Variants in FSTL5 observed in about 807,000 individuals in gnomAD.
The protein encoded by FSTL5 is follistatin-related protein 5.
Under a neutral mutation model 89.1 loss-of-function variants are expected in FSTL5, and 62 were observed. The observed-to-expected ratio is 0.70, with a 90% CI of 0.57 to 0.86. The LOEUF (loss-of-function observed/expected upper bound fraction) is 0.86. FSTL5 is among the 40% of genes least tolerant of loss of function. The pLI is 0.00. For synonymous variants in FSTL5, 383 were observed against 346.2 expected (o/e 1.11, Z -1.18); for missense variants, 1,057 against 1,001.6 (o/e 1.06, Z -0.75).
chr4:161,842,242 C>A (rs1055149632), intron 4 of FSTL5, among the ~76,000 whole-genome samples: 1 of 152,110 alleles, frequency 6.6e-6, no homozygotes, highest in Non-Finnish European at 1.5e-5. Context: ...AGTTGGCCCC[C>A]ATGCTTGCTT....
At chr4:161,992,861 A>AAT (rs1214124720) in intron 3 of FSTL5, among the ~76,000 whole-genome samples, 7 of 76,264 alleles carry the variant, frequency 9.2e-5, no homozygotes, top group African/African-American at 3.8e-4. Context: ...AAAAAAAAAA[A>AAT]ATATATATAT....
chr4:162,141,263 C>T (rs4455372), intron 1 of FSTL5, among the ~76,000 whole-genome samples: 44,737 of 83,576 alleles, frequency 0.54, 14,372 homozygotes, highest in Non-Finnish European at 0.64. Flanking sequence ...ACTACAGGCG[C>T]GCACCACCAT....
At chr4:161,452,720 T>A (rs1335319729) in intron 15 of FSTL5, among the ~76,000 whole-genome samples, 2 of 152,234 alleles carry the variant, frequency 1.3e-5, no homozygotes, top group African/African-American at 4.8e-5. Flanking sequence ...GGATTCTACA[T>A]GCAGGTAGAA....
At chr4:161,899,036 C>CA (rs1023509073) in intron 4 of FSTL5, among the ~76,000 whole-genome samples, 70 of 152,222 alleles carry the variant, frequency 4.6e-4, no homozygotes, top group African/African-American at 1.6e-3. Flanking sequence ...GCTTCTCCCT[C>CA]ATACCATATC....
chr4:161,920,799 A>T (rs1733974879), intron 3 of FSTL5, 147 bp from the exon 4 acceptor site: 15 of 699,442 alleles, frequency 2.1e-5, no homozygotes, highest in Non-Finnish European at 3.3e-5. Flanking sequence ...GGACATGCTT[A>T]TATAAATAAC....
intron 8 of FSTL5, among the ~76,000 whole-genome samples, chr4:161,578,639 A>G (rs934914470): frequency 3.3e-5 from 5 of 152,112 alleles, no homozygotes; most frequent in African/African-American, 1.2e-4. Context: ...AGCAGAATAA[A>G]AATCCAAGTA....
chr4:161,725,601 AT>A (rs1173806204), intron 6 of FSTL5, among the ~76,000 whole-genome samples: 2 of 152,018 alleles, frequency 1.3e-5, no homozygotes, highest in Non-Finnish European at 2.9e-5. Flanking sequence ...GACAGCAGTC[AT>A]TTTTAGTATT....
At position 161,926,602 on chromosome 4, in the gene FSTL5, T is replaced by A. The variant is rs1019116283; in HGVS notation, c.161-5950A>T. ...AGATCAGTACCTAATATGGCAACAG[T>A]TATTTCTTATTTGATGTTCTCAACT... is the stretch of plus-strand genomic sequence containing the variant. On this transcript the variant is annotated intron_variant, in intron 3 of 15. Coordinates refer to ENST00000306100, the MANE Select transcript of FSTL5 (RefSeq NM_020116.5). 8.6e-5 allele frequency among the ~76,000 whole-genome samples: 13 copies of A among 151,750 alleles called. No homozygotes were observed. The South Asian group carries it at 2.7e-3, about 31-fold the overall frequency.
At chr4:161,958,638 T>A (rs1183983553) in intron 3 of FSTL5, among the ~76,000 whole-genome samples, 1 of 152,138 alleles carries the variant, frequency 6.6e-6, no homozygotes, top group Non-Finnish European at 1.5e-5. Flanking sequence ...AAGTATTCTA[T>A]GCCGGATGCT....
At chr4:161,662,729 A>T (rs1736760252) in intron 6 of FSTL5, among the ~76,000 whole-genome samples, 1 of 152,202 alleles carries the variant, frequency 6.6e-6, no homozygotes, top group African/African-American at 2.4e-5. Context: ...AATGTAAAAG[A>T]CACCAATCAA....
intron 3 of FSTL5, among the ~76,000 whole-genome samples, chr4:162,012,128 C>G (rs77753702): frequency 0.14 from 20,932 of 152,160 alleles, 1,519 homozygotes; most frequent in East Asian, 0.28. Context: ...GTAATATCCA[C>G]GAATATACTG....
intron 3 of FSTL5, among the ~76,000 whole-genome samples, chr4:161,962,002 T>C (rs1476774318): frequency 6.6e-6 from 1 of 151,934 alleles, no homozygotes; most frequent in Non-Finnish European, 1.5e-5. Flanking sequence ...ATATATTATG[T>C]GTTGACCATA....
intron 7 of FSTL5, among the ~76,000 whole-genome samples, chr4:161,628,618 G>A (rs886504336): frequency 3.9e-5 from 6 of 152,272 alleles, no homozygotes; most frequent in South Asian, 2.1e-4. Flanking sequence ...CTGAGATCAC[G>A]TTAGCCCGTT....
intron 1 of FSTL5, among the ~76,000 whole-genome samples, chr4:162,120,339 G>A (rs540180769): frequency 2.0e-5 from 3 of 152,040 alleles, no homozygotes; most frequent in Non-Finnish European, 2.9e-5. Flanking sequence ...TTAGAACCAT[G>A]TTATGTGGTA....
intron 3 of FSTL5, among the ~76,000 whole-genome samples, chr4:161,951,624 T>G (rs1734898086): frequency 6.6e-6 from 1 of 152,116 alleles, no homozygotes; most frequent in South Asian, 2.1e-4. Context: ...ACTAAAGAGA[T>G]AGCTTTGAAA....
chr4:161,739,996 C>CTATTTATTTATT (rs141804950), intron 6 of FSTL5, among the ~76,000 whole-genome samples: 19 of 149,488 alleles, frequency 1.3e-4, no homozygotes, highest in East Asian at 2.0e-4. Context: ...AGGATAGTAT[C>CTATTTATTTATT]TATTTATTTA....
intron 4 of FSTL5, among the ~76,000 whole-genome samples, chr4:161,908,931 A>C (rs531439957): frequency 1.3e-5 from 2 of 152,248 alleles, no homozygotes; most frequent in Non-Finnish European, 2.9e-5. Context: ...AAATAAAAAA[A>C]TTTTGTATAA....
At chr4:161,587,414 G>A (rs746185139) in intron 8 of FSTL5, 41 bp downstream of exon 8, 1 of 1,596,072 alleles carries the variant, frequency 6.3e-7, no homozygotes, top group South Asian at 1.1e-5. Context: ...GTAAACTATG[G>A]TGTTCTTTGA....
intron 1 of FSTL5, among the ~76,000 whole-genome samples, chr4:162,150,208 C>T (rs1238760677): frequency 6.6e-6 from 1 of 152,002 alleles, no homozygotes; most frequent in African/African-American, 2.4e-5. Flanking sequence ...GGAAGACTTT[C>T]GACATGGAAG....
Sources: allele counts gnomAD v4.1 joint callset (sites outside exome capture counted in the v4.1 genomes callset), GRCh38; gene constraint gnomAD v4.1.1; transcripts MANE v1.5; gene names NCBI Gene and HGNC (gene_info 2026-07-23, HGNC 2026-07-21).